Variants in WDR72 observed in about 807,000 individuals in gnomAD.
WDR72 encodes WD repeat domain 72, also known as WD repeat-containing protein 72.
A neutral mutation model predicts 124.2 loss-of-function variants in WDR72; 120 were observed. The ratio of observed to expected loss-of-function variants is 0.97; its 90% CI spans 0.83 to 1.12. WDR72 has a LOEUF of 1.12. WDR72 is among the 50% of genes most tolerant of loss of function. The pLI, the probability that WDR72 is intolerant of heterozygous loss-of-function variation, is 0.00. For synonymous variants in WDR72, 452 were observed against 441.7 expected (o/e 1.02, Z -0.29); for missense variants, 1,387 against 1,278.8 (o/e 1.08, Z -1.29).
At chr15:53,710,986 A>G in intron 8 of WDR72, 33 bp from the exon 9 acceptor site, 1 of 1,575,884 alleles carries the variant, frequency 6.3e-7, no homozygotes. Context: ...AAAGTTTAGA[A>G]CTTTGAGGTT....
At chr15:53,659,702 TAA>T (rs10717894) in intron 14 of WDR72, among the ~76,000 whole-genome samples, 6,530 of 145,864 alleles carry the variant, frequency 0.045, 167 homozygotes, top group Non-Finnish European at 0.054. Flanking sequence ...AAGGCAGTTA[TAA>T]AAAAAAAAAA....
At chr15:53,626,237 CG>C (rs1158329389) in intron 14 of WDR72, among the ~76,000 whole-genome samples, 1 of 152,164 alleles carries the variant, frequency 6.6e-6, no homozygotes. Flanking sequence ...TTGGGCCACG[CG>C]ATGAGTGTTA....
Position 53,640,075 on chromosome 15 carries a change from C to T in WDR72, c.1963-23832G>A, listed in dbSNP as rs545854997. Among the ~76,000 whole-genome samples the T allele has an allele frequency of 4.3e-4, 65 of 152,228 alleles. No individual in the cohort carries two copies. The South Asian group carries it at 0.012, about 27-fold the overall frequency. On this transcript the variant is annotated intron_variant, in intron 14 of 19. Transcript: ENST00000360509. Reference sequence around the variant, plus strand: ...TCTTTTAAAAAATAATAAAAACTAGCACACTTTTAAAAATTAAGTATGCTT... The same window carrying T: ...TCTTTTAAAAAATAATAAAAACTAGTACACTTTTAAAAATTAAGTATGCTT...
At chr15:53,598,430 GTGACC>G (rs1389576233) in intron 17 of WDR72, among the ~76,000 whole-genome samples, 2 of 152,038 alleles carry the variant, frequency 1.3e-5, no homozygotes, top group Admixed American at 1.3e-4. Context: ...ACCGAGAGTG[GTGACC>G]TAGAGATGCT....
intron 18 of WDR72, among the ~76,000 whole-genome samples, chr15:53,596,480 T>A (rs1906443): frequency 0.48 from 73,153 of 151,864 alleles, 18,794 homozygotes; most frequent in African/African-American, 0.67. Flanking sequence ...AAATAGTTTA[T>A]TTTTTATATG....
chr15:53,594,765 C>G (rs1173705044), intron 18 of WDR72, among the ~76,000 whole-genome samples: 7 of 151,882 alleles, frequency 4.6e-5, no homozygotes, highest in African/African-American at 2.4e-5. Flanking sequence ...GCACTCCAGA[C>G]TAGTCGACAG....
intron 1 of WDR72, among the ~76,000 whole-genome samples, chr15:53,746,007 A>C (rs1160833621): frequency 1.3e-5 from 2 of 152,210 alleles, no homozygotes; most frequent in Non-Finnish European, 1.5e-5. Flanking sequence ...TGTTCTAAAA[A>C]AAGAAAAAAA....
intron 14 of WDR72, among the ~76,000 whole-genome samples, chr15:53,622,757 A>G (rs1251594817): frequency 6.6e-6 from 1 of 151,972 alleles, no homozygotes; most frequent in East Asian, 1.9e-4. Context: ...AAACCTGTAC[A>G]TCCTGCATAT....
intron 14 of WDR72, among the ~76,000 whole-genome samples, chr15:53,647,593 C>T (rs2015087330): frequency 6.6e-6 from 1 of 152,008 alleles, no homozygotes; most frequent in Non-Finnish European, 1.5e-5. Context: ...GGTATTTTTA[C>T]CAAATGCTTA....
At chr15:53,625,472 A>T (rs1414208790) in intron 14 of WDR72, among the ~76,000 whole-genome samples, 1 of 152,228 alleles carries the variant, frequency 6.6e-6, no homozygotes, top group Admixed American at 6.5e-5. Flanking sequence ...ACTAAAGAAC[A>T]ATCCATTCCA....
intron 13 of WDR72, among the ~76,000 whole-genome samples, chr15:53,681,259 T>G (rs1033195791): frequency 6.6e-6 from 1 of 152,162 alleles, no homozygotes; most frequent in African/African-American, 2.4e-5. Context: ...GGGAAGTTGC[T>G]AGGGAATTGA....
At chr15:53,586,246 T>G (rs76360938) in intron 18 of WDR72, among the ~76,000 whole-genome samples, 2,684 of 152,144 alleles carry the variant, frequency 0.018, 70 homozygotes, top group East Asian at 0.13. Flanking sequence ...TACTAAGAGA[T>G]ATACCTCATG....
At position 53,615,940 on chromosome 15, in the gene WDR72, T is replaced by C; in HGVS notation, c.2266A>G (p.Thr756Ala). The change falls in exon 15 of 20, where the codon ACC becomes GCC. Residue 756 changes from threonine to alanine, a missense_variant. Transcript: ENST00000360509. ...TCATTTTCTTCTGAGAATTTGATGG[T>C]ATTATCTCCTTGGGCCAGGCTTTCA... ...ITESLAQGDN[T>A]IKFSEENDGI... The C allele has an allele frequency of 6.2e-7, 1 of 1,613,404 alleles. No individual in the cohort carries two copies. The highest frequency in any genetic ancestry group is 8.5e-7 in the Non-Finnish European group (1 of 1,179,662).
intron 14 of WDR72, among the ~76,000 whole-genome samples, chr15:53,650,893 G>GTTTTTTTTTTTTTTTTTTTTTTTTTTTT (rs71297666): frequency 1.9e-5 from 2 of 106,782 alleles, no homozygotes; most frequent in Non-Finnish European, 3.6e-5. Flanking sequence ...CTCTAATTCA[G>GTTTTTTTTTTTTTTTTTTTTTTTTTTTT]TTTTTTTTTT....
intron 13 of WDR72, among the ~76,000 whole-genome samples, chr15:53,693,979 G>T (rs2016924638): frequency 6.6e-6 from 1 of 152,104 alleles, no homozygotes; most frequent in Non-Finnish European, 1.5e-5. Flanking sequence ...TAGAAGAAAT[G>T]AACAAAAACA....
intron 9 of WDR72, among the ~76,000 whole-genome samples, chr15:53,708,066 C>G (rs570327904): frequency 6.6e-6 from 1 of 152,304 alleles, no homozygotes; most frequent in South Asian, 2.1e-4. Context: ...TGCTCACACT[C>G]ACCGCTTGGT....
intron 13 of WDR72, among the ~76,000 whole-genome samples, chr15:53,690,013 C>G (rs1394186586): frequency 7.4e-6 from 1 of 134,812 alleles, no homozygotes; most frequent in Admixed American, 8.9e-5. Context: ...GGGAATTGAA[C>G]AATTAGATCA....
intron 18 of WDR72, among the ~76,000 whole-genome samples, chr15:53,592,183 G>A (rs553158759): frequency 9.9e-5 from 15 of 152,106 alleles, no homozygotes; most frequent in African/African-American, 2.6e-4. Flanking sequence ...TACCACATAC[G>A]AGGCCTTCTA....
intron 1 of WDR72, among the ~76,000 whole-genome samples, chr15:53,741,623 C>A (rs2018511288): frequency 6.6e-6 from 1 of 152,056 alleles, no homozygotes; most frequent in South Asian, 2.1e-4. Flanking sequence ...TATTACCTTG[C>A]ATATTTTACT....
Sources: allele counts gnomAD v4.1 joint callset (sites outside exome capture counted in the v4.1 genomes callset), GRCh38; gene constraint gnomAD v4.1.1; transcripts MANE v1.5; gene names NCBI Gene and HGNC (gene_info 2026-07-23, HGNC 2026-07-21).